Variants in PARD3 observed in about 807,000 individuals in gnomAD.
PARD3 encodes par-3 family cell polarity regulator.
PARD3 carries 75 observed loss-of-function variants against 155.4 expected under a neutral mutation model. That is an observed-to-expected ratio of 0.48 (90% confidence interval 0.40 to 0.58). The LOEUF (loss-of-function observed/expected upper bound fraction) is 0.58. PARD3 is among the 20% of genes least tolerant of loss of function. PARD3 has a pLI of 0.00. For synonymous variants in PARD3, 576 were observed against 610.5 expected (o/e 0.94, Z 0.83); for missense variants, 1,642 against 1,721.7 (o/e 0.95, Z 0.82).
chr10:34,744,392 A>G (rs990954197), intron 1 of PARD3, among the ~76,000 whole-genome samples: 16 of 152,242 alleles, frequency 1.1e-4, no homozygotes, highest in African/African-American at 3.6e-4. Flanking sequence ...TTGGTCGTTT[A>G]TGATTTACCT....
chr10:34,357,699 G>A (rs114227209), intron 14 of PARD3, among the ~76,000 whole-genome samples: 3,203 of 152,236 alleles, frequency 0.021, 98 homozygotes, highest in African/African-American at 0.074. Flanking sequence ...ATGAATGTTT[G>A]TATGTCCCAC....
rs2075786827 is a variant in PARD3, at chr10:34,429,416, AC to A, written c.714+20900del. ...TTTTTTTTTTTTTCCTTTTTTTGAG[AC>A]AGGGTCTCACTGTGTCACCCAGGCT... On this transcript the variant is annotated intron_variant, in intron 5 of 24. Coordinates refer to ENST00000374788, the MANE Select transcript of PARD3 (RefSeq NM_001184785.2). Among the ~76,000 whole-genome samples, 7 of 150,302 alleles carry A rather than the reference AC, an allele frequency of 4.7e-5. No homozygotes were observed. In the South Asian group the frequency reaches 1.5e-3, roughly 32 times the overall value.
chr10:34,596,720 C>T (rs556941424), intron 2 of PARD3, among the ~76,000 whole-genome samples: 23 of 152,176 alleles, frequency 1.5e-4, no homozygotes, highest in Non-Finnish European at 3.1e-4. Context: ...TGCCAACACA[C>T]ACCACAGGTG....
intron 3 of PARD3, among the ~76,000 whole-genome samples, chr10:34,492,317 C>A (rs2079969751): frequency 6.6e-6 from 1 of 152,128 alleles, no homozygotes; most frequent in African/African-American, 2.4e-5. Context: ...CTGCTCAGGT[C>A]TTAATTCACA....
chr10:34,454,144 G>A (rs916287644), intron 4 of PARD3, among the ~76,000 whole-genome samples: 1 of 151,960 alleles, frequency 6.6e-6, no homozygotes, highest in Non-Finnish European at 1.5e-5. Flanking sequence ...ATTTTTGACA[G>A]CATCATGCAG....
At position 34,536,302 on chromosome 10, in the gene PARD3, T is replaced by C. The variant is rs548690040; in HGVS notation, c.223-19143A>G. The stretch of plus-strand genomic sequence containing the variant: ...TTTAATGTTGTTATATCTTCAAATC[T>C]ACAGTGACTACAGTGACTTCACTGA... On this transcript the variant is annotated intron_variant, in intron 2 of 24. Transcript: ENST00000374788. Among the ~76,000 whole-genome samples, 10 of 152,328 alleles carry C rather than the reference T, an allele frequency of 6.6e-5. No homozygotes were observed. In the South Asian group the frequency reaches 1.9e-3, roughly 28 times the overall value.
At chr10:34,776,062 TA>T (rs1839494172) in intron 1 of PARD3, among the ~76,000 whole-genome samples, 1 of 152,194 alleles carries the variant, frequency 6.6e-6, no homozygotes, top group African/African-American at 2.4e-5. Context: ...TTGTCTCTAC[TA>T]AAAATTTATA....
chr10:34,427,709 A>G (rs957929110), intron 5 of PARD3, among the ~76,000 whole-genome samples: 3 of 152,176 alleles, frequency 2.0e-5, no homozygotes, highest in African/African-American at 7.2e-5. Context: ...CTCAGGGGGC[A>G]TCACGGAACC....
intron 4 of PARD3, among the ~76,000 whole-genome samples, chr10:34,464,636 G>GA (rs1041042933): frequency 1.2e-4 from 18 of 152,046 alleles, no homozygotes; most frequent in Admixed American, 3.9e-4. Context: ...TCATACAACA[G>GA]AAAAAACCAT....
chr10:34,114,447 G>A (rs1005729038), intron 24 of PARD3, among the ~76,000 whole-genome samples: 2 of 152,096 alleles, frequency 1.3e-5, no homozygotes, highest in Non-Finnish European at 2.9e-5. Flanking sequence ...GGGTTCAAGC[G>A]ATTCAGCTGT....
intron 10 of PARD3, among the ~76,000 whole-genome samples, chr10:34,375,380 T>TA (rs1803495279): frequency 6.6e-6 from 1 of 152,152 alleles, no homozygotes; most frequent in South Asian, 2.1e-4. Context: ...TAGGTTTTCT[T>TA]ACACCAAAAT....
intron 22 of PARD3, among the ~76,000 whole-genome samples, chr10:34,186,945 T>A (rs1950517578): frequency 6.6e-6 from 1 of 152,166 alleles, no homozygotes; most frequent in Non-Finnish European, 1.5e-5. Context: ...CCTACTGAAT[T>A]CGCTCCTCAA....
chr10:34,712,183 C>T (rs528943934), intron 1 of PARD3, among the ~76,000 whole-genome samples: 24 of 152,206 alleles, frequency 1.6e-4, no homozygotes, highest in African/African-American at 4.8e-4. Flanking sequence ...TGGAAGGGTA[C>T]GAACAGTGGG....
At chr10:34,131,373 G>A (rs575056988) in intron 23 of PARD3, 90 bp downstream of exon 23, 13 of 1,446,054 alleles carry the variant, frequency 9.0e-6, no homozygotes, top group South Asian at 6.1e-5. Flanking sequence ...ATCTTGTCTC[G>A]TTTCATAGAG....
chr10:34,123,346 A>C (rs925713488), intron 23 of PARD3, among the ~76,000 whole-genome samples: 1 of 152,238 alleles, frequency 6.6e-6, no homozygotes, highest in Non-Finnish European at 1.5e-5. Flanking sequence ...TAGATTATAA[A>C]GGGATAATAA....
At chr10:34,231,564 T>C (rs1952933865) in intron 22 of PARD3, among the ~76,000 whole-genome samples, 1 of 152,092 alleles carries the variant, frequency 6.6e-6, no homozygotes, top group African/African-American at 2.4e-5. Context: ...ATGTCTTCTC[T>C]TGAATGTCTC....
intron 22 of PARD3, among the ~76,000 whole-genome samples, chr10:34,238,292 C>G (rs899207650): frequency 1.3e-5 from 2 of 152,188 alleles, no homozygotes; most frequent in Non-Finnish European, 2.9e-5. Context: ...GTAATTAAGG[C>G]TATAAATGTG....
At chr10:34,206,131 C>T (rs1235416337) in intron 22 of PARD3, among the ~76,000 whole-genome samples, 1 of 152,172 alleles carries the variant, frequency 6.6e-6, no homozygotes, top group Non-Finnish European at 1.5e-5. Context: ...TCACTTAAGT[C>T]CATGGAAGGG....
chr10:34,741,882 T>C (rs980349685), intron 1 of PARD3, among the ~76,000 whole-genome samples: 6 of 152,218 alleles, frequency 3.9e-5, no homozygotes, highest in Admixed American at 2.0e-4. Flanking sequence ...ACTCACAGGA[T>C]GATTCCAGAT....
Sources: gnomAD v4.1 joint callset for allele counts (sites outside exome capture counted in the v4.1 genomes callset) on GRCh38, gnomAD v4.1.1 for gene constraint, MANE v1.5 for transcripts, NCBI Gene and HGNC (gene_info 2026-07-23, HGNC 2026-07-21) for gene names.